The following CACNA1E variants were observed in gnomAD, a reference collection of about 807,000 sequenced individuals.
CACNA1E encodes voltage-dependent R-type calcium channel subunit alpha-1E.
In CACNA1E, 40 loss-of-function variants were observed where a neutral mutation model predicts 259.2. The ratio of observed to expected loss-of-function variants is 0.15; its 90% CI spans 0.12 to 0.20. The LOEUF (loss-of-function observed/expected upper bound fraction) is 0.20. Ranked by LOEUF, CACNA1E falls within the 10% of genes least tolerant of loss-of-function variation. The pLI is 1.00. For missense variants in CACNA1E, 1,874 were observed against 3,040.1 expected (o/e 0.62, Z 9.02); for synonymous variants, 1,104 against 1,138.5 (o/e 0.97, Z 0.61).
At chr1:181,739,844 A>C in intron 25 of CACNA1E, among the ~76,000 whole-genome samples, 1 of 152,196 alleles carries the variant, frequency 6.6e-6, no homozygotes, top group East Asian at 1.9e-4. Context: ...ACAGTCTTAA[A>C]CCATTCAGGC....
intron 6 of CACNA1E, among the ~76,000 whole-genome samples, chr1:181,595,412 A>G (rs1036751801): frequency 1.3e-5 from 2 of 152,104 alleles, no homozygotes; most frequent in Non-Finnish European, 2.9e-5. Context: ...CACACATTTA[A>G]GCTCTTGGCA....
At chr1:181,375,447 G>C (rs914647740) in intron 1 of CACNA1E, among the ~76,000 whole-genome samples, 2 of 152,206 alleles carry the variant, frequency 1.3e-5, no homozygotes, top group Admixed American at 6.5e-5. Flanking sequence ...ATCTGATAGA[G>C]TCTGCTAAGA....
rs1662205346 is a variant in CACNA1E, at chr1:181,800,668, C to T, written c.*1834C>T. The T allele has an allele frequency of 6.5e-6, 1 of 152,702 alleles. No individual in the cohort carries two copies. Among genetic ancestry groups the T allele is most frequent in the South Asian group, 2.1e-4 (1 of 4,830 alleles). The allele number at this position is 152,702 out of a possible 1,614,324, so 9.5% of individuals were successfully genotyped here. The stretch of plus-strand genomic sequence containing the variant: ...ACTCCTCCAGCCCAGACACACTCCT[C>T]CTCTTGGGCAGGAGCAATCCAGAGT... On this transcript the variant is annotated 3_prime_UTR_variant, in exon 48 of 48. Coordinates refer to ENST00000367573, the MANE Select transcript of CACNA1E (RefSeq NM_001205293.3).
At chr1:181,666,991 G>A (rs977735602) in intron 7 of CACNA1E, among the ~76,000 whole-genome samples, 2 of 151,956 alleles carry the variant, frequency 1.3e-5, no homozygotes, top group African/African-American at 4.8e-5. Context: ...AAAACTTCAA[G>A]GGAGAAGACC....
intron 25 of CACNA1E, among the ~76,000 whole-genome samples, chr1:181,743,683 G>A (rs781079893): frequency 9.8e-5 from 15 of 152,326 alleles, no homozygotes; most frequent in Middle Eastern, 3.4e-3. Context: ...CTGTGCGTGT[G>A]TGTCTTTCTG....
At chr1:181,664,054 T>C (rs1231494453) in intron 7 of CACNA1E, among the ~76,000 whole-genome samples, 5 of 152,236 alleles carry the variant, frequency 3.3e-5, no homozygotes, top group Non-Finnish European at 7.4e-5. Context: ...GCATTTGGTT[T>C]ATAAAGCATT....
Position 181,790,012 on chromosome 1 carries a change from G to A in CACNA1E, c.5787-433G>A, listed in dbSNP as rs369849762. 7.2e-4 allele frequency among the ~76,000 whole-genome samples: 110 copies of A among 152,304 alleles called. No individual in the cohort carries two copies. The South Asian group carries it at 0.02, about 28-fold the overall frequency. On this transcript the variant is annotated intron_variant, in intron 43 of 47. Coordinates refer to ENST00000367573, the MANE Select transcript of CACNA1E (RefSeq NM_001205293.3). ...GTTTAGTTTGGCCAGGGATGTTGGC[G>A]AAATAAGACCATATTCTTACTGCGA...
chr1:181,667,569 A>G (rs1241257434), intron 7 of CACNA1E, among the ~76,000 whole-genome samples: 2 of 152,174 alleles, frequency 1.3e-5, no homozygotes, highest in African/African-American at 4.8e-5. Flanking sequence ...TCAGAACACA[A>G]TAGAGAAAAT....
intron 6 of CACNA1E, among the ~76,000 whole-genome samples, chr1:181,630,081 AC>A (rs1656570952): frequency 6.6e-6 from 1 of 151,460 alleles, no homozygotes; most frequent in Admixed American, 6.6e-5. Flanking sequence ...GGAAGAAAAC[AC>A]ATCGGGCCAT....
At chr1:181,563,338 A>G (rs375798191) in intron 3 of CACNA1E, among the ~76,000 whole-genome samples, 2 of 152,194 alleles carry the variant, frequency 1.3e-5, no homozygotes, top group Admixed American at 6.5e-5. Context: ...TCTAAAATTT[A>G]TGGATCTGTG....
chr1:181,761,133 G>T (rs1658544015), intron 32 of CACNA1E, among the ~76,000 whole-genome samples: 1 of 152,130 alleles, frequency 6.6e-6, no homozygotes, highest in African/African-American at 2.4e-5. Context: ...TTGTAATAAG[G>T]CCTCTTTCAG....
intron 32 of CACNA1E, among the ~76,000 whole-genome samples, chr1:181,760,373 T>C (rs1047098872): frequency 9.9e-5 from 15 of 152,234 alleles, no homozygotes; most frequent in Non-Finnish European, 1.8e-4. Flanking sequence ...AATATTGTAA[T>C]ATATACTATT....
chr1:181,454,330 C>T (rs1435752134), intron 2 of CACNA1E, among the ~76,000 whole-genome samples: 1 of 152,228 alleles, frequency 6.6e-6, no homozygotes, highest in Non-Finnish European at 1.5e-5. Context: ...CTTCTCTGTA[C>T]ATTATTCCTA....
intron 6 of CACNA1E, among the ~76,000 whole-genome samples, chr1:181,639,144 T>G (rs979460079): frequency 2.6e-5 from 4 of 151,744 alleles, no homozygotes; most frequent in African/African-American, 4.8e-5. Context: ...CTGGAGTGCA[T>G]TGGCATGATC....
At chr1:181,535,185 G>A (rs1668076661) in intron 3 of CACNA1E, among the ~76,000 whole-genome samples, 1 of 152,168 alleles carries the variant, frequency 6.6e-6, no homozygotes, top group South Asian at 2.1e-4. Context: ...TGAACAAAAT[G>A]CAACAAAAAT....
chr1:181,692,640 G>A (rs1459201948), intron 7 of CACNA1E, among the ~76,000 whole-genome samples: 2 of 151,086 alleles, frequency 1.3e-5, no homozygotes, highest in Non-Finnish European at 3.0e-5. Context: ...CTCAATATAT[G>A]CAAACATTAA....
At chr1:181,779,580 C>T (rs769801672) in intron 38 of CACNA1E, 1 of 418,560 alleles carries the variant, frequency 2.4e-6, no homozygotes, top group Non-Finnish European at 4.8e-6. Context: ...CCGTGGGATG[C>T]AACATCTAAC....
At chr1:181,745,468 A>T in intron 25 of CACNA1E, 2 of 361,102 alleles carry the variant, frequency 5.5e-6, no homozygotes, top group Non-Finnish European at 1.1e-5. Flanking sequence ...GTAACCAACA[A>T]CCAACTAGAC....
chr1:181,344,025 G>T (rs1433877211), intron 1 of CACNA1E, among the ~76,000 whole-genome samples: 1 of 152,134 alleles, frequency 6.6e-6, no homozygotes, highest in South Asian at 2.1e-4. Flanking sequence ...ACAGGAAGTT[G>T]TTCCTGCCAA....
Sources: gnomAD v4.1 joint callset for allele counts (sites outside exome capture counted in the v4.1 genomes callset) on GRCh38, gnomAD v4.1.1 for gene constraint, MANE v1.5 for transcripts, NCBI Gene and HGNC (gene_info 2026-07-23, HGNC 2026-07-21) for gene names.